LIMCH1: variants seen among roughly 807,000 people sequenced by gnomAD.
LIMCH1 encodes LIM and calponin homology domains-containing protein 1.
LIMCH1 carries 113 observed loss-of-function variants against 176.5 expected under a neutral mutation model. The observed-to-expected ratio is 0.64, with a 90% confidence interval of 0.55 to 0.75. The LOEUF is 0.75. Ranked by LOEUF, LIMCH1 falls within the 30% of genes least tolerant of loss-of-function variation. The pLI, the probability that LIMCH1 is intolerant of heterozygous loss-of-function variation, is 0.00. For synonymous variants in LIMCH1, 619 were observed against 645.9 expected (o/e 0.96, Z 0.63); for missense variants, 1,674 against 1,814.9 (o/e 0.92, Z 1.41).
chr4:41,522,166 T>C (rs1248608260), intron 2 of LIMCH1, among the ~76,000 whole-genome samples: 1 of 152,172 alleles, frequency 6.6e-6, no homozygotes, highest in Non-Finnish European at 1.5e-5. Flanking sequence ...TCTAAAACTA[T>C]TAGACAGAGT....
At chr4:41,580,665 A>G (rs917846962) in intron 1 of LIMCH1, among the ~76,000 whole-genome samples, 1 of 152,180 alleles carries the variant, frequency 6.6e-6, no homozygotes, top group Non-Finnish European at 1.5e-5. Context: ...GGAAGAAGGA[A>G]TTAATAAAGA....
At chr4:41,574,640 CAAA>C (rs1417274864) in intron 1 of LIMCH1, among the ~76,000 whole-genome samples, 2 of 152,110 alleles carry the variant, frequency 1.3e-5, no homozygotes, top group Non-Finnish European at 2.9e-5. Flanking sequence ...GCACAGGCTA[CAAA>C]CCTATCAGCT....
intron 23 of LIMCH1, among the ~76,000 whole-genome samples, chr4:41,677,766 T>G (rs1223342073): frequency 6.6e-6 from 1 of 152,166 alleles, no homozygotes; most frequent in Non-Finnish European, 1.5e-5. Flanking sequence ...AAGACCAGAT[T>G]CAAATCCAAG....
chr4:41,492,087 C>T (rs1329278154), intron 1 of LIMCH1, among the ~76,000 whole-genome samples: 2 of 152,178 alleles, frequency 1.3e-5, no homozygotes, highest in African/African-American at 4.8e-5. Flanking sequence ...GCCGAGATCA[C>T]GCCACTGCAC....
At chr4:41,419,720 C>CT (rs1561313281) in intron 1 of LIMCH1, among the ~76,000 whole-genome samples, 1 of 124,704 alleles carries the variant, frequency 8.0e-6, no homozygotes, top group Non-Finnish European at 1.7e-5. Flanking sequence ...TCCTTCCTTC[C>CT]TCCTTCCTTT....
At chr4:41,394,129 C>A (rs1188870588) in intron 1 of LIMCH1, among the ~76,000 whole-genome samples, 1 of 152,060 alleles carries the variant, frequency 6.6e-6, no homozygotes, top group Non-Finnish European at 1.5e-5. Flanking sequence ...AATTTTCCTT[C>A]CATTTCCGTA....
rs199548284 is a variant in LIMCH1 at position 41,619,328 on chromosome 4, A to T, written c.346A>T (p.Asn116Tyr). ...PFNQYLPNKS[N>Y]QTAYVPAPLR... ...TAACCAGTACCTCCCGAACAAAAGC[A>T]ATCAGACGGCCTACGTCCCCGCGCC... The change falls in exon 6 of 32, where the codon AAT (asparagine) becomes TAT (tyrosine). Residue 116 changes from asparagine to tyrosine, a missense_variant. This residue lies in a region of LIMCH1 where 655 missense variants were observed against 692.2 expected (regional missense o/e 0.95). Transcript: ENST00000503057. 1 of 1,614,200 alleles carries T rather than the reference A, an allele frequency of 6.2e-7. No homozygotes were observed. Among genetic ancestry groups the T allele is most frequent in the Non-Finnish European group, 8.5e-7 (1 of 1,180,030 alleles).
intron 3 of LIMCH1, among the ~76,000 whole-genome samples, chr4:41,529,353 C>T (rs1349303526): frequency 1.3e-5 from 2 of 152,218 alleles, no homozygotes; most frequent in African/African-American, 2.4e-5. Context: ...CACATATGCA[C>T]ATGTGAAGTA....
upstream of LIMCH1, chr4:41,360,702 G>C (rs1014129395): frequency 2.3e-5 from 11 of 473,648 alleles, no homozygotes; most frequent in Admixed American, 3.3e-4. This position sits in a 1 kb window ranked among gnomAD's most constrained non-coding sequence, Gnocchi z 4.5. Context: ...CGGCTCTCCC[G>C]GGACCTGCGC....
intron 2 of LIMCH1, among the ~76,000 whole-genome samples, chr4:41,603,615 T>A (rs535361955): frequency 6.6e-6 from 1 of 152,342 alleles, no homozygotes; most frequent in African/African-American, 2.4e-5. Context: ...TCGGACTTTT[T>A]CTATTTCCAG....
chr4:41,626,774 C>A lies in LIMCH1; in HGVS notation c.792C>A (p.Phe264Leu). ...TTGTCCTTCGCAAAGAAAACTCTTTCCTGACCCACCAACATGGCAACGATT... is the reference window on the plus strand; with the variant it reads ...TTGTCCTTCGCAAAGAAAACTCTTTACTGACCCACCAACATGGCAACGATT... ...RDIVLRKENS[F>L]LTHQHGNDSE... The change falls in exon 8 of 32, where the codon TTC becomes TTA. Residue 264 changes from phenylalanine to leucine, a missense_variant. Transcript: ENST00000503057. 6.5e-7 allele frequency: 1 copy of A among 1,536,380 alleles called. No homozygotes were observed. The highest frequency in any genetic ancestry group is 8.7e-7 in the Non-Finnish European group (1 of 1,146,954).
At chr4:41,404,434 C>T (rs1037166529) in intron 1 of LIMCH1, among the ~76,000 whole-genome samples, 1 of 152,104 alleles carries the variant, frequency 6.6e-6, no homozygotes, top group Non-Finnish European at 1.5e-5. Flanking sequence ...GGGGCAGTGC[C>T]AACCACTTCA....
At chr4:41,562,205 A>G (rs964048603) in intron 1 of LIMCH1, among the ~76,000 whole-genome samples, 4 of 152,266 alleles carry the variant, frequency 2.6e-5, no homozygotes, top group African/African-American at 9.6e-5. Flanking sequence ...TTGCATGTTC[A>G]GTTTCCAGTT....
intron 1 of LIMCH1, among the ~76,000 whole-genome samples, chr4:41,363,155 G>A (rs529669597): frequency 1.3e-5 from 2 of 152,282 alleles, no homozygotes; most frequent in African/African-American, 4.8e-5. Context: ...AAATGTAAAT[G>A]CCGAGTCTGC....
chr4:41,419,764 C>T (rs2060451625), intron 1 of LIMCH1, among the ~76,000 whole-genome samples: 1 of 146,796 alleles, frequency 6.8e-6, no homozygotes, highest in Admixed American at 7.0e-5. Flanking sequence ...CCTTCCTGCC[C>T]TTTTCCCTCC....
At chr4:41,487,106 G>A (rs368226999) in intron 1 of LIMCH1, among the ~76,000 whole-genome samples, 50 of 151,966 alleles carry the variant, frequency 3.3e-4, no homozygotes, top group African/African-American at 1.0e-3. Context: ...TGATCCACCC[G>A]CCTCGGACTC....
rs139061628 is a variant in LIMCH1 at position 41,516,221 on chromosome 4, A to T, written c.168-8188A>T. Among the ~76,000 whole-genome samples the T allele has an allele frequency of 1.1e-3, 167 of 152,158 alleles. 1 individual carries two copies. The highest frequency in any genetic ancestry group is 3.7e-3 in the African/African-American group (154 of 41,510). On this transcript the variant is annotated intron_variant, in intron 2 of 26. Coordinates refer to the LIMCH1 transcript ENST00000313860. ...TTGATTACCAGGTGAAGGCATTTGG[A>T]GGGCATCCTGTGGCACTTGGGAGCC...
intron 3 of LIMCH1, among the ~76,000 whole-genome samples, chr4:41,530,746 G>A (rs901167998): frequency 1.3e-4 from 16 of 127,684 alleles, no homozygotes; most frequent in African/African-American, 5.0e-4. Context: ...AGTGAGCCGA[G>A]ATTGTGCCAT....
rs1208680653 is a variant in LIMCH1, at chr4:41,680,035, G to A, written c.3549G>A (p.Leu1183=). 1.2e-6 allele frequency: 2 copies of A among 1,610,614 alleles called. No homozygotes were observed. Among genetic ancestry groups the A allele is most frequent in the Admixed American group, 1.7e-5 (1 of 59,630 alleles). Residue 1183 remains leucine (L), a synonymous_variant, in exon 24 of 32, where the codon CTG becomes CTA. Transcript: ENST00000503057. The part of the protein sequence containing the change: ...QERYQKEQDK[L]KEEWEKAQKE... Reference sequence around the variant, plus strand: ...GATACCAGAAGGAGCAGGACAAGCTGAAAGAAGAGTGGGAAAAGGCCCAAA... The same window carrying A: ...GATACCAGAAGGAGCAGGACAAGCTAAAAGAAGAGTGGGAAAAGGCCCAAA...
Sources: allele counts gnomAD v4.1 joint callset (sites outside exome capture counted in the v4.1 genomes callset), GRCh38; gene constraint gnomAD v4.1.1; regional missense constraint gnomAD v4.1.1; non-coding constraint Gnocchi (gnomAD v3.1); transcripts MANE v1.5; gene names NCBI Gene and HGNC (gene_info 2026-07-23, HGNC 2026-07-21).